Variants in COL17A1 observed in about 807,000 individuals in gnomAD.
COL17A1 encodes the protein collagen alpha-1(XVII) chain.
COL17A1 carries 181 observed loss-of-function variants against 218.4 expected under a neutral mutation model. The ratio of observed to expected loss-of-function variants is 0.83; its 90% CI spans 0.73 to 0.94. The LOEUF (loss-of-function observed/expected upper bound fraction) is 0.94. Among genes scored for constraint, COL17A1 ranks in the 40% least tolerant of loss-of-function variants. COL17A1 has a pLI of 0.00. For missense variants in COL17A1, 1,924 were observed against 1,945.9 expected (o/e 0.99, Z 0.21); for synonymous variants, 721 against 731.0 (o/e 0.99, Z 0.22).
intron 22 of COL17A1, among the ~76,000 whole-genome samples, chr10:104,053,374 G>A (rs1356557258): frequency 1.3e-5 from 2 of 152,130 alleles, no homozygotes; most frequent in Non-Finnish European, 2.9e-5. Context: ...CTCACCCAGA[G>A]TCAAAGCCAA....
chr10:104,053,851 C>CTTAA, intron 22 of COL17A1, 69 bp downstream of exon 22: 1 of 928,412 alleles, frequency 1.1e-6, no homozygotes, highest in Non-Finnish European at 1.7e-6. Flanking sequence ...ACAGCAGGCA[C>CTTAA]TTAATGAATG....
In COL17A1 at chr10:104,053,967, A is replaced by C; in HGVS notation, c.1787T>G (p.Leu596Trp). Reference protein sequence around the residue: ...FPGTPGIPGPLGHPGPQGPKG... With the variant: ...FPGTPGIPGPWGHPGPQGPKG... ...TGGTCCTTGTGGACCTGGGTGGCCC[A>C]AGGGCCCAGGGATACCTGTGAACAC... The change falls in exon 22 of 56, where the codon TTG (leucine) becomes TGG (tryptophan). Residue 596 changes from leucine (L) to tryptophan (W), a missense_variant. Physicochemically the swap from Leu to Trp is moderately conservative, Grantham distance 61. Transcript: ENST00000648076. The C allele has an allele frequency of 6.2e-7, 1 of 1,611,940 alleles. No homozygotes were observed. The highest frequency in any genetic ancestry group is 8.5e-7 in the Non-Finnish European group (1 of 1,177,938).
At chr10:104,061,517 G>C in intron 12 of COL17A1, 44 bp from the exon 13 acceptor site, 1 of 1,588,802 alleles carries the variant, frequency 6.3e-7, no homozygotes. Context: ...GTGGTTCCAG[G>C]TGACTCAGGA....
chr10:104,034,889 G>T (rs531484126), intron 50 of COL17A1, 122 bp from the exon 51 acceptor site: 3 of 1,204,306 alleles, frequency 2.5e-6, no homozygotes, highest in Admixed American at 2.5e-5. Context: ...GGCCTCCCGG[G>T]TGATGGGAGG....
rs763129062 is a variant in COL17A1 at position 104,034,097 on chromosome 10, C to T, written c.4004G>A (p.Gly1335Asp). The T allele has an allele frequency of 6.8e-6, 11 of 1,614,008 alleles. No homozygotes were observed. Among genetic ancestry groups the T allele is most frequent in the African/African-American group, 6.7e-5 (5 of 74,936 alleles). ...GAFGEAAGDR[G>D]PYGTDIGPGG... ...TGGGCCGATGTCAGTGCCATAGGGA[C>T]CCCTGTCTCCTGCAGCTTCACCAAA... is the stretch of plus-strand genomic sequence containing the variant. Residue 1335 changes from glycine (G) to aspartate (D), a missense_variant, in exon 52 of 56, where the codon GGT becomes GAT. Physicochemically the swap from Gly to Asp is moderately conservative, Grantham distance 94 (BLOSUM62 -1). Transcript: ENST00000648076.
rs935357113 is a variant in COL17A1 at position 104,055,794 on chromosome 10, C to T, written c.1675G>A (p.Glu559Lys). 6.2e-7 allele frequency: 1 copy of T among 1,614,134 alleles called. No individual in the cohort carries two copies. ...GCGATGCTCTCACCATTTTCCTGTTCCATCATTAGCTTCTTCCTCACGAAC... is the reference window on the plus strand; with the variant it reads ...GCGATGCTCTCACCATTTTCCTGTTTCATCATTAGCTTCTTCCTCACGAAC... ...WMFVRKKLMM[E>K]QENGNLRGSP... Residue 559 changes from glutamate (E) to lysine (K), a missense_variant, in exon 18 of 56, where the codon GAA becomes AAA. Transcript: ENST00000648076.
chr10:104,054,522 G>A (rs1455678240), intron 20 of COL17A1, among the ~76,000 whole-genome samples: 3 of 152,086 alleles, frequency 2.0e-5, no homozygotes, highest in Non-Finnish European at 4.4e-5. Context: ...GATCTGAAGG[G>A]AAAGAAGAGA....
intron 51 of COL17A1, 122 bp downstream of exon 51, chr10:104,034,499 G>C: frequency 6.6e-7 from 1 of 1,509,340 alleles, no homozygotes; most frequent in Admixed American, 2.0e-5. Context: ...AGGAAACCGG[G>C]CTTACCCCAC....
At position 104,048,053 on chromosome 10, in the gene COL17A1, C is replaced by T; in HGVS notation, c.2263+16G>A. On this transcript the variant is annotated intron_variant, in intron 30 of 55. Coordinates refer to ENST00000648076, the MANE Select transcript of COL17A1 (RefSeq NM_000494.4). ...GTGACGGGAGTGAGGCTGGGGGCAG[C>T]AGATGAGTGACCAACCTCTTGGGCC... 4 of 1,614,156 alleles carry T rather than the reference C, an allele frequency of 2.5e-6. No individual in the cohort carries two copies. Among genetic ancestry groups the T allele is most frequent in the Non-Finnish European group, 3.4e-6 (4 of 1,180,018 alleles).
At position 104,074,151 on chromosome 10, in the gene COL17A1, A is replaced by G. The variant is rs375382479; in HGVS notation, c.379+33T>C. On this transcript the variant is annotated intron_variant, in intron 6 of 55. Transcript: ENST00000648076. Reference sequence around the variant, plus strand: ...AGGGATTTTCCTAGTGCCTCGTTTGACCATTTCTTTAGAAAATAAGGAGAG... The same window carrying G: ...AGGGATTTTCCTAGTGCCTCGTTTGGCCATTTCTTTAGAAAATAAGGAGAG... 3.1e-6 allele frequency: 5 copies of G among 1,613,932 alleles called. No individual in the cohort carries two copies. In the Admixed American group the frequency reaches 5.0e-5, roughly 16 times the overall value.
chr10:104,050,729 T>C lies in COL17A1; in HGVS notation c.2093-73A>G. 1.9e-6 allele frequency: 3 copies of C among 1,613,870 alleles called. No individual in the cohort carries two copies. In the Admixed American group the frequency reaches 5.0e-5, roughly 27 times the overall value. ...ACCAGGAAGGGGCAATGTCTGTCTCTGAAGACAGGCTCCCTCAATCCTGAC... is the reference window on the plus strand; with the variant it reads ...ACCAGGAAGGGGCAATGTCTGTCTCCGAAGACAGGCTCCCTCAATCCTGAC... On this transcript the variant is annotated intron_variant, in intron 26 of 55. Coordinates refer to ENST00000648076, the MANE Select transcript of COL17A1 (RefSeq NM_000494.4).
chr10:104,040,489 T>C, intron 39 of COL17A1, 79 bp from the exon 40 acceptor site: 7 of 915,708 alleles, frequency 7.6e-6, no homozygotes, highest in Non-Finnish European at 9.0e-6. Context: ...CCTGACAACA[T>C]AGATGCTCAA....
At chr10:104,044,785 GT>G (rs1333068873) in intron 33 of COL17A1, among the ~76,000 whole-genome samples, 1 of 152,112 alleles carries the variant, frequency 6.6e-6, no homozygotes, top group Non-Finnish European at 1.5e-5. Flanking sequence ...AAAAGGGAAG[GT>G]TTCTGTTATT....
chr10:104,061,300 C>A (rs1460414968), intron 13 of COL17A1, 105 bp downstream of exon 13: 12 of 1,185,754 alleles, frequency 1.0e-5, no homozygotes, highest in Admixed American at 2.1e-5. Context: ...CCTATTTCCT[C>A]TTCCAGTATA....
chr10:104,074,106 C>G (rs2086689781), intron 6 of COL17A1, 78 bp downstream of exon 6: 2 of 1,609,346 alleles, frequency 1.2e-6, no homozygotes, highest in Middle Eastern at 1.7e-4. Flanking sequence ...GTCCCCTACT[C>G]CCACCACTTC....
intron 36 of COL17A1, 33 bp from the exon 37 acceptor site, chr10:104,041,571 G>C: frequency 1.9e-6 from 3 of 1,585,824 alleles, no homozygotes; most frequent in East Asian, 2.2e-5. Flanking sequence ...ATGAGCAAAA[G>C]CTGTCACGAG....
intron 46 of COL17A1, 129 bp downstream of exon 46, chr10:104,037,507 G>A: frequency 8.0e-7 from 1 of 1,250,438 alleles, no homozygotes; most frequent in African/African-American, 1.5e-5. Context: ...CGATTATTAT[G>A]AATTCGGAAT....
Position 104,034,201 on chromosome 10 carries a change from A to AGAT in COL17A1, c.3897_3899dup (p.Ser1300dup), listed in dbSNP as rs1337030208. 11 of 1,613,234 alleles carry AGAT rather than the reference A, an allele frequency of 6.8e-6. No individual in the cohort carries two copies. Among genetic ancestry groups the AGAT allele is most frequent in the South Asian group, 1.1e-5 (1 of 90,990 alleles). ...AGCTGTAGGAGCTGCCCCGCCTGAC[A>AGAT]GATGAGCTGTGTGAGGAGGAGCTGC... On this transcript the variant is annotated inframe_insertion, in exon 52 of 56. Transcript: ENST00000648076.
In COL17A1 at chr10:104,038,525, C is replaced by T. The variant is rs758984573; in HGVS notation, c.2951G>A (p.Gly984Glu). Residue 984 changes from glycine to glutamate, a missense_variant, in exon 45 of 56, where the codon GGA (glycine) becomes GAA (glutamate). Gly to Glu is a moderately conservative substitution (Grantham distance 98). Transcript: ENST00000648076. The part of the protein sequence containing the change: ...LGIPSGPSEG[G>E]SSSTMYVSGP... ...TGACACGTACATGGTACTTGATGAT[C>T]CCCCTGCAGCAAAGAGAAAGCGTCC... The T allele has an allele frequency of 1.5e-5, 24 of 1,611,876 alleles. No homozygotes were observed. The highest frequency in any genetic ancestry group is 1.2e-4 in the Admixed American group (7 of 59,992).
Sources: gnomAD v4.1 joint callset for allele counts (sites outside exome capture counted in the v4.1 genomes callset) on GRCh38, gnomAD v4.1.1 for gene constraint, MANE v1.5 for transcripts, NCBI Gene and HGNC (gene_info 2026-07-23, HGNC 2026-07-21) for gene names.